Variants in COTL1 observed in about 807,000 individuals in gnomAD.
COTL1 encodes coactosin like F-actin binding protein 1, also known as coactosin-like protein.
In COTL1, 15 loss-of-function variants were observed where a neutral mutation model predicts 16.5. The ratio of observed to expected loss-of-function variants is 0.91; its 90% CI spans 0.61 to 1.40. COTL1 has a LOEUF of 1.40. COTL1 is among the 40% of genes most tolerant of loss of function. COTL1 has a pLI of 0.00. For synonymous variants in COTL1, 112 were observed against 85.3 expected (o/e 1.31, Z -1.73); for missense variants, 220 against 201.5 (o/e 1.09, Z -0.56).
intron 3 of COTL1, among the ~76,000 whole-genome samples, chr16:84,584,841 C>T (rs1359583869): frequency 3.3e-5 from 5 of 152,100 alleles, no homozygotes; most frequent in Non-Finnish European, 7.3e-5. Flanking sequence ...ACTATATTGC[C>T]CTTACTTTAT....
At chr16:84,604,794 C>T (rs13331466) in intron 2 of COTL1, among the ~76,000 whole-genome samples, 2,721 of 152,344 alleles carry the variant, frequency 0.018, 73 homozygotes, top group African/African-American at 0.062. Flanking sequence ...CTTTTCACCC[C>T]TCCCCCAGCT....
In COTL1 at chr16:84,590,034, GC is replaced by G; in HGVS notation, c.318+70del. The G allele has an allele frequency of 2.0e-6, 3 of 1,508,950 alleles. No individual in the cohort carries two copies. Among genetic ancestry groups the G allele is most frequent in the Non-Finnish European group, 2.7e-6 (3 of 1,105,626 alleles). The allele number at this position is 1,508,950 out of a possible 1,614,324, so 93.5% of individuals were successfully genotyped here. ...GCTACAGACCCAGGAGTCGAACCCA[GC>G]CCTCTCCCTCCTTGCAGGATGGTGA... On this transcript the variant is annotated intron_variant, in intron 3 of 3. Coordinates refer to ENST00000262428, the MANE Select transcript of COTL1 (RefSeq NM_021149.5). This position sits in a 1 kb window ranked among gnomAD's most constrained non-coding sequence, Gnocchi z 5.5.
At chr16:84,574,766 T>G (rs932226227) in intron 3 of COTL1, among the ~76,000 whole-genome samples, 2 of 152,086 alleles carry the variant, frequency 1.3e-5, no homozygotes, top group African/African-American at 4.8e-5. Flanking sequence ...GTATTTTTAG[T>G]AGAGACGGGG....
chr16:84,573,351 G>A (rs922782517), intron 3 of COTL1, among the ~76,000 whole-genome samples: 3 of 152,256 alleles, frequency 2.0e-5, no homozygotes, highest in African/African-American at 4.8e-5. Flanking sequence ...ACACGAAAGC[G>A]TCTGAAAGAA....
chr16:84,612,756 C>A (rs898427876), intron 2 of COTL1, among the ~76,000 whole-genome samples: 4 of 152,076 alleles, frequency 2.6e-5, no homozygotes, highest in Non-Finnish European at 5.9e-5. Flanking sequence ...AAAACTTTGT[C>A]TCAAAAAAAA....
chr16:84,601,516 G>C (rs1905105257), intron 2 of COTL1, among the ~76,000 whole-genome samples: 1 of 151,886 alleles, frequency 6.6e-6, no homozygotes, highest in Non-Finnish European at 1.5e-5. Flanking sequence ...GGAGTGCAGG[G>C]GCACAATCTC....
chr16:84,617,159 T>C (rs993406046), intron 2 of COTL1, among the ~76,000 whole-genome samples: 4 of 138,766 alleles, frequency 2.9e-5, no homozygotes, highest in African/African-American at 9.1e-5. Flanking sequence ...CAGTGACTGA[T>C]CAAAGGGGAC....
At position 84,591,466 on chromosome 16, in the gene COTL1, G is replaced by A. The variant is rs557665910; in HGVS notation, c.161-1204C>T. Among the ~76,000 whole-genome samples, 816 of 149,614 alleles carry A rather than the reference G, an allele frequency of 5.5e-3. 10 individuals are homozygous for A. The highest frequency in any genetic ancestry group is 0.019 in the African/African-American group (767 of 40,336). ...CCCAAAGTGCTGGGATTACAGGCGT[G>A]AGCCACCGCGCCCAGCCTGATTTTT... On this transcript the variant is annotated intron_variant, in intron 2 of 3. Coordinates refer to ENST00000262428, the MANE Select transcript of COTL1 (RefSeq NM_021149.5).
chr16:84,567,250 C>A, intron 3 of COTL1: 1 of 313,992 alleles, frequency 3.2e-6, no homozygotes, highest in Non-Finnish European at 6.0e-6. Flanking sequence ...TGAATTTGGG[C>A]TGTTACCTTG....
intron 2 of COTL1, among the ~76,000 whole-genome samples, chr16:84,602,242 G>A (rs1377480886): frequency 2.0e-5 from 3 of 151,714 alleles, no homozygotes; most frequent in Admixed American, 6.6e-5. Context: ...GTAAAACCAA[G>A]CAGATGGGCA....
At chr16:84,615,716 G>A (rs532210582) in intron 2 of COTL1, among the ~76,000 whole-genome samples, 3 of 152,222 alleles carry the variant, frequency 2.0e-5, no homozygotes, top group Admixed American at 6.5e-5. Context: ...GAGGCGGAGG[G>A]ACGGAGGCCT....
intron 2 of COTL1, among the ~76,000 whole-genome samples, chr16:84,602,367 G>A (rs1905119377): frequency 6.6e-6 from 1 of 150,572 alleles, no homozygotes; most frequent in Non-Finnish European, 1.5e-5. Flanking sequence ...CTCCAGCCTG[G>A]GCCACAGTGA....
chr16:84,613,042 C>T (rs373195230), intron 2 of COTL1, among the ~76,000 whole-genome samples: 1 of 151,214 alleles, frequency 6.6e-6, no homozygotes, highest in East Asian at 1.9e-4. Flanking sequence ...ACTCTGCTGC[C>T]CAGGCTAGAG....
chr16:84,575,857 T>C (rs944701259), intron 3 of COTL1: 1 of 152,164 alleles, frequency 6.6e-6, no homozygotes, highest in Admixed American at 6.5e-5. Context: ...CCTAGGGCTG[T>C]TGGGAGGGTC....
chr16:84,566,834 G>T lies in COTL1; in HGVS notation c.*11C>A, dbSNP rs372969859. The T allele has an allele frequency of 3.0e-4, 464 of 1,569,950 alleles. No homozygotes were observed. Among genetic ancestry groups the T allele is most frequent in the Non-Finnish European group, 3.9e-4 (444 of 1,150,332 alleles). ...TGACTTTGGCAAGGGGTGGTGTGGC[G>T]GGGGCTGGGGTTACTCCGTCTGGGC... On this transcript the variant is annotated 3_prime_UTR_variant, in exon 4 of 4. Transcript: ENST00000262428.
At chr16:84,593,865 G>A (rs923927996) in intron 2 of COTL1, among the ~76,000 whole-genome samples, 26 of 152,064 alleles carry the variant, frequency 1.7e-4, no homozygotes, top group African/African-American at 4.3e-4. Context: ...TGCCATCATC[G>A]CTACTATCTA....
chr16:84,593,657 G>T (rs565497130), intron 2 of COTL1, among the ~76,000 whole-genome samples: 3 of 151,920 alleles, frequency 2.0e-5, no homozygotes, highest in African/African-American at 4.8e-5. Context: ...GACTACAGGC[G>T]CCCGCCACCA....
rs1398846704 is a variant in COTL1, at chr16:84,590,280, A to C, written c.161-18T>G. ...GACGTCATCTGTGGCCAAAAGCGAA[A>C]AGAGAACATGGTGCTGCGTTAAAAC... On this transcript the variant is annotated intron_variant, in intron 2 of 3. Coordinates refer to ENST00000262428, the MANE Select transcript of COTL1 (RefSeq NM_021149.5). This position sits in a 1 kb window ranked among gnomAD's most constrained non-coding sequence, Gnocchi z 5.5. 5 of 1,612,808 alleles carry C rather than the reference A, an allele frequency of 3.1e-6. No individual in the cohort carries two copies. Among genetic ancestry groups the C allele is most frequent in the Non-Finnish European group, 4.2e-6 (5 of 1,178,990 alleles).
intron 3 of COTL1, among the ~76,000 whole-genome samples, chr16:84,580,052 C>A (rs539547937): frequency 3.4e-4 from 52 of 152,240 alleles, no homozygotes; most frequent in Non-Finnish European, 6.9e-4. Flanking sequence ...CGGAGGCCAG[C>A]TGCTGGCAGG....
Sources: gnomAD v4.1 joint callset for allele counts (sites outside exome capture counted in the v4.1 genomes callset) on GRCh38, gnomAD v4.1.1 for gene constraint, Gnocchi (gnomAD v3.1) non-coding constraint, MANE v1.5 for transcripts, NCBI Gene and HGNC (gene_info 2026-07-23, HGNC 2026-07-21) for gene names.